PGRMC2: variants seen among roughly 807,000 people sequenced by gnomAD.
PGRMC2 encodes membrane-associated progesterone receptor component 2.
PGRMC2 carries 9 observed loss-of-function variants against 19.3 expected under a neutral mutation model. That is an observed-to-expected ratio of 0.47 (90% confidence interval 0.28 to 0.81). PGRMC2 has a LOEUF of 0.81. Among genes scored for constraint, PGRMC2 ranks in the 40% least tolerant of loss-of-function variants. PGRMC2 has a pLI of 0.11. For synonymous variants in PGRMC2, 157 were observed against 124.6 expected (o/e 1.26, Z -1.73); for missense variants, 289 against 297.3 (o/e 0.97, Z 0.21).
intron 1 of PGRMC2, 167 bp downstream of exon 1, chr4:128,287,206 G>A: frequency 1.6e-6 from 1 of 639,994 alleles, no homozygotes; most frequent in Admixed American, 3.4e-5. Flanking sequence ...GGGGGACGGT[G>A]TGTGTGTAGG....
chr4:128,287,104 G>T (rs3733260), intron 1 of PGRMC2, among the ~76,000 whole-genome samples: 24,568 of 151,902 alleles, frequency 0.16, 2,571 homozygotes, highest in Admixed American at 0.27. Context: ...GGAGAAATGG[G>T]ATGGAAGAAA....
intron 1 of PGRMC2, among the ~76,000 whole-genome samples, chr4:128,282,906 G>T (rs1211075835): frequency 6.6e-6 from 1 of 152,184 alleles, no homozygotes; most frequent in Non-Finnish European, 1.5e-5. Flanking sequence ...TAAATATTAG[G>T]CATCTCATGG....
chr4:128,281,384 T>C (rs1043992847), intron 1 of PGRMC2, among the ~76,000 whole-genome samples: 1 of 152,198 alleles, frequency 6.6e-6, no homozygotes, highest in Non-Finnish European at 1.5e-5. Context: ...GCTAAAATTC[T>C]TATATTGTTC....
chr4:128,272,444 T>A lies in PGRMC2; in HGVS notation c.492A>T (p.Ala164=). 1.3e-6 allele frequency: 2 copies of A among 1,589,692 alleles called. No homozygotes were observed. Among genetic ancestry groups the A allele is most frequent in the Non-Finnish European group, 1.7e-6 (2 of 1,168,444 alleles). ...AGAGATCATCATATTCATCTCTAAG[T>A]GCATCTTTATCTAGGCAAAATGTGG... ...GLATFCLDKD[A]LRDEYDDLSD... is the part of the protein sequence containing the mutation. The change falls in exon 2 of 3, where the codon GCA becomes GCT. Residue 164 remains alanine (A), a synonymous_variant. Transcript: ENST00000296425.
intron 1 of PGRMC2, among the ~76,000 whole-genome samples, chr4:128,275,730 T>C (rs1320207298): frequency 6.6e-6 from 1 of 152,176 alleles, no homozygotes; most frequent in African/African-American, 2.4e-5. Context: ...AAAAAATTTT[T>C]TTTGTTGTTT....
intron 1 of PGRMC2, 116 bp downstream of exon 1, chr4:128,287,257 G>T (rs1004757271): frequency 1.6e-6 from 2 of 1,238,050 alleles, no homozygotes; most frequent in African/African-American, 3.1e-5. Context: ...CGAGGCGCGG[G>T]GGTCCCGGAG....
In PGRMC2 at chr4:128,271,707, A is replaced by G. The variant is rs41298575; in HGVS notation, c.575-294T>C. 1.9e-3 allele frequency among the ~76,000 whole-genome samples: 295 copies of G among 152,274 alleles called. 1 individual carries two copies. The highest frequency in any genetic ancestry group is 6.8e-3 in the African/African-American group (284 of 41,536). ...CAGAATCACTTGGAGATCTTTTTTA[A>G]AAATGAGTAAGTCCAGGACCCATCT... is the stretch of plus-strand genomic sequence containing the variant. On this transcript the variant is annotated intron_variant, in intron 2 of 2. Transcript: ENST00000296425.
At chr4:128,273,377 G>A (rs1467854406) in intron 1 of PGRMC2, among the ~76,000 whole-genome samples, 1 of 152,156 alleles carries the variant, frequency 6.6e-6, no homozygotes, top group Admixed American at 6.5e-5. Context: ...TTGTCCTTGA[G>A]AACAGCAATT....
rs1228785654 is a variant in PGRMC2 at position 128,270,637 on chromosome 4, G to C, written c.*679C>G. 4 of 152,666 alleles carry C rather than the reference G, an allele frequency of 2.6e-5. No individual in the cohort carries two copies. The highest frequency in any genetic ancestry group is 9.6e-5 in the African/African-American group (4 of 41,462). The allele number at this position is 152,666 out of a possible 1,614,324, so 9.5% of individuals were successfully genotyped here. A position where few individuals can be genotyped will look rare whatever the true frequency, so the allele number is the denominator to read the frequency against. ...TTTGATTTAGGGAAAGGGAAGGAAA[G>C]AGAAGGGATAAAAACTGGTTTCAAA... is the stretch of plus-strand genomic sequence containing the variant. On this transcript the variant is annotated 3_prime_UTR_variant, in exon 3 of 3. Transcript: ENST00000296425.
chr4:128,283,479 A>G (rs1760938913), intron 1 of PGRMC2, among the ~76,000 whole-genome samples: 1 of 152,204 alleles, frequency 6.6e-6, no homozygotes, highest in East Asian at 1.9e-4. Flanking sequence ...CCAGTCTCAC[A>G]ATATGAAAAT....
At chr4:128,282,880 CT>C (rs1760929297) in intron 1 of PGRMC2, among the ~76,000 whole-genome samples, 1 of 152,190 alleles carries the variant, frequency 6.6e-6, no homozygotes, top group African/African-American at 2.4e-5. Context: ...TACATGTGTT[CT>C]TTTCCCCAAC....
At chr4:128,279,761 G>A (rs558297467) in intron 1 of PGRMC2, among the ~76,000 whole-genome samples, 4 of 152,266 alleles carry the variant, frequency 2.6e-5, no homozygotes, top group African/African-American at 9.6e-5. Flanking sequence ...TGAAGGGTAT[G>A]CATAGTATAC....
At chr4:128,271,766 G>T (rs962198478) in intron 2 of PGRMC2, among the ~76,000 whole-genome samples, 5 of 152,134 alleles carry the variant, frequency 3.3e-5, no homozygotes, top group African/African-American at 4.8e-5. Flanking sequence ...GCTGTTCCAA[G>T]GGACCCAGGG....
At chr4:128,273,463 T>C (rs976377905) in intron 1 of PGRMC2, among the ~76,000 whole-genome samples, 5 of 152,166 alleles carry the variant, frequency 3.3e-5, no homozygotes, top group Admixed American at 2.0e-4. Flanking sequence ...AATAATTTTC[T>C]TCCAAATGAC....
At position 128,287,148 on chromosome 4, in the gene PGRMC2, C is replaced by T. The variant is rs1423415984; in HGVS notation, c.418+225G>A. The T allele has an allele frequency of 8.1e-6, 4 of 492,456 alleles. No homozygotes were observed. In the East Asian group the frequency reaches 1.4e-4, roughly 17 times the overall value. 30.5% of individuals were successfully genotyped at this position (492,456 alleles called of 1,614,324 possible). On this transcript the variant is annotated intron_variant, in intron 1 of 2. Coordinates refer to ENST00000296425, the MANE Select transcript of PGRMC2 (RefSeq NM_006320.6). Reference sequence around the variant, plus strand: ...CTGAGAGCTGGTCTCTGGGGCGCCACCGGGGACCCTGGTTTCGGGGGAAGA... The same window carrying T: ...CTGAGAGCTGGTCTCTGGGGCGCCATCGGGGACCCTGGTTTCGGGGGAAGA...
intron 1 of PGRMC2, among the ~76,000 whole-genome samples, chr4:128,285,163 T>C (rs1760964985): frequency 6.6e-6 from 1 of 152,164 alleles, no homozygotes. Context: ...TCTCTCTCTG[T>C]CGCCCAGGCT....
In PGRMC2 at chr4:128,287,554, A is replaced by AACCCCCCCCC; in HGVS notation, c.236_237insGGGGGGGGGT (p.Leu80GlyfsTer73). 16 of 924,804 alleles carry AACCCCCCCCC rather than the reference A, an allele frequency of 1.7e-5. No homozygotes were observed. Among genetic ancestry groups the AACCCCCCCCC allele is most frequent in the Non-Finnish European group, 1.6e-5 (11 of 672,968 alleles). The allele number at this position is 924,804 out of a possible 1,614,324, so 57.3% of individuals were successfully genotyped here. On this transcript the variant is annotated frameshift_variant, in exon 1 of 3. Coordinates refer to ENST00000296425, the MANE Select transcript of PGRMC2 (RefSeq NM_006320.6). LOFTEE classifies it high-confidence loss of function. ...CGCCCGCCCCGGCCCCGGCCCCCAG[A>AACCCCCCCCC]CCCCGCCGCCCCCAGCGCACCCACA...
intron 1 of PGRMC2, among the ~76,000 whole-genome samples, chr4:128,280,221 T>C (rs1482451798): frequency 6.6e-6 from 1 of 151,568 alleles, no homozygotes; most frequent in Non-Finnish European, 1.5e-5. Flanking sequence ...TTAAAATTAT[T>C]AAGAAATGGT....
Position 128,269,948 on chromosome 4 carries a change from G to A in PGRMC2, c.*1368C>T, listed in dbSNP as rs919954124. The A allele has an allele frequency of 6.6e-6, 1 of 152,600 alleles. No homozygotes were observed. The highest frequency in any genetic ancestry group is 2.4e-5 in the African/African-American group (1 of 41,454). 9.5% of individuals were successfully genotyped at this position (152,600 alleles called of 1,614,324 possible). On this transcript the variant is annotated 3_prime_UTR_variant, in exon 3 of 3. Transcript: ENST00000296425. The stretch of plus-strand genomic sequence containing the variant: ...CTTACCTGAATAATCTTGGATTTCT[G>A]GAGAATGTTCCACAAAGTGGAATTT...
Sources: gnomAD v4.1 joint callset for allele counts (sites outside exome capture counted in the v4.1 genomes callset) on GRCh38, gnomAD v4.1.1 for gene constraint, MANE v1.5 for transcripts, NCBI Gene and HGNC (gene_info 2026-07-23, HGNC 2026-07-21) for gene names.